The following LDB3 variants were observed in gnomAD, a reference collection of about 807,000 sequenced individuals.
LDB3 encodes the protein LIM domain binding 3, also known as LIM domain-binding protein 3.
A neutral mutation model predicts 69.0 loss-of-function variants in LDB3; 49 were observed. The observed-to-expected ratio is 0.71, with a 90% CI of 0.56 to 0.90. The LOEUF is 0.90. Ranked by LOEUF, LDB3 falls within the 40% of genes least tolerant of loss-of-function variation. LDB3 has a pLI of 0.00. For synonymous variants in LDB3, 387 were observed against 396.2 expected (o/e 0.98, Z 0.28); for missense variants, 928 against 974.1 (o/e 0.95, Z 0.63).
At chr10:86,678,389 G>GA (rs1406836874) in intron 2 of LDB3, among the ~76,000 whole-genome samples, 7 of 149,450 alleles carry the variant, frequency 4.7e-5, no homozygotes, top group Admixed American at 1.3e-4. Context: ...ACCCAGGCTG[G>GA]AGTGCAGTGG....
Position 86,717,990 on chromosome 10 carries a change from G to T in LDB3, c.1703G>T (p.Arg568Leu). The T allele has an allele frequency of 6.2e-7, 1 of 1,614,110 alleles. No individual in the cohort carries two copies. The highest frequency in any genetic ancestry group is 8.5e-7 in the Non-Finnish European group (1 of 1,179,988). The change falls in exon 11 of 14, where the codon CGT becomes CTT. Residue 568 changes from arginine to leucine, a missense_variant. Coordinates refer to ENST00000361373, the MANE Select transcript of LDB3 (RefSeq NM_007078.3). ...IRGPFLVAMG[R>L]SWHPEEFTCA... ...GGCCCATTTCTGGTAGCCATGGGCC[G>T]TTCTTGGCACCCTGAAGAGTTCACC...
Position 86,732,939 on chromosome 10 carries a change from C to G in LDB3, c.2147C>G (p.Pro716Arg). 6.2e-7 allele frequency: 1 copy of G among 1,613,936 alleles called. No individual in the cohort carries two copies. Among genetic ancestry groups the G allele is most frequent in the Non-Finnish European group, 8.5e-7 (1 of 1,179,938 alleles). ...CCGTTCTACTCCAAGAAGGACAGACCCCTGTGCAAGAAGCACGCACACACC... is the reference window on the plus strand; with the variant it reads ...CCGTTCTACTCCAAGAAGGACAGACGCCTGTGCAAGAAGCACGCACACACC... ...GQPFYSKKDR[P>R]LCKKHAHTIN... Residue 716 changes from proline (P) to arginine (R), a missense_variant, in exon 14 of 14, where the codon CCC (proline) becomes CGC (arginine). Pro to Arg is a moderately radical substitution (Grantham distance 103, BLOSUM62 -2). Transcript: ENST00000361373.
chr10:86,713,192 T>A (rs1174202102), intron 9 of LDB3, among the ~76,000 whole-genome samples: 2 of 152,184 alleles, frequency 1.3e-5, no homozygotes, highest in African/African-American at 2.4e-5. Flanking sequence ...TTTCAGCTGC[T>A]CATCGGCCAC....
chr10:86,713,537 G>A (rs967946361), intron 9 of LDB3, among the ~76,000 whole-genome samples: 3 of 152,126 alleles, frequency 2.0e-5, no homozygotes, highest in Admixed American at 6.5e-5. Context: ...GAGCCACCGC[G>A]CCCAGCCAAT....
intron 5 of LDB3, among the ~76,000 whole-genome samples, chr10:86,682,969 G>A (rs1306885822): frequency 3.3e-5 from 5 of 149,878 alleles, no homozygotes; most frequent in African/African-American, 1.3e-4. Context: ...AGAATCCTCA[G>A]TGAAGCTGAT....
chr10:86,667,194 T>C (rs985328909), upstream of LDB3, among the ~76,000 whole-genome samples: 41 of 152,124 alleles, frequency 2.7e-4, no homozygotes, highest in African/African-American at 9.7e-4. Context: ...CCCCGTAATA[T>C]GGGTGATCCT....
At chr10:86,697,304 C>A (rs2132434279) in intron 7 of LDB3, among the ~76,000 whole-genome samples, 1 of 144,324 alleles carries the variant, frequency 6.9e-6, no homozygotes, top group African/African-American at 2.6e-5. Context: ...TTACTGCAAC[C>A]TCCACCACCC....
chr10:86,717,880 G>T, intron 10 of LDB3, 84 bp from the exon 11 acceptor site: 1 of 1,289,090 alleles, frequency 7.8e-7, no homozygotes, highest in Non-Finnish European at 1.1e-6. Flanking sequence ...TTGGGTAAAA[G>T]TATAAACAGT....
intron 12 of LDB3, 120 bp downstream of exon 12, chr10:86,718,967 G>A: frequency 7.7e-7 from 1 of 1,304,076 alleles, no homozygotes; most frequent in South Asian, 1.4e-5. Flanking sequence ...TTTATTTCTG[G>A]AAGAAACCTT....
chr10:86,668,400 A>ACGG, upstream of LDB3: 3 of 499,582 alleles, frequency 6.0e-6, no homozygotes, highest in Non-Finnish European at 1.1e-5. Flanking sequence ...CGTGTGAGTC[A>ACGG]TGGTGGACCG....
intron 12 of LDB3, 114 bp from the exon 13 acceptor site, chr10:86,726,023 A>C (rs1564662632): frequency 4.2e-6 from 3 of 722,296 alleles, no homozygotes; most frequent in Admixed American, 2.0e-5. Context: ...GAGATGACAA[A>C]CAACCAATTA....
At chr10:86,709,076 G>A (rs1351323389) in intron 8 of LDB3, among the ~76,000 whole-genome samples, 1 of 152,156 alleles carries the variant, frequency 6.6e-6, no homozygotes, top group African/African-American at 2.4e-5. Flanking sequence ...TGTTCTGCAA[G>A]GTGTTCATTA....
At chr10:86,703,651 T>C (rs1846341348) in intron 7 of LDB3, among the ~76,000 whole-genome samples, 1 of 152,256 alleles carries the variant, frequency 6.6e-6, no homozygotes, top group Non-Finnish European at 1.5e-5. Context: ...TCATGCCCTT[T>C]TTACCATACA....
At chr10:86,711,467 AC>A (rs1846662089) in intron 9 of LDB3, among the ~76,000 whole-genome samples, 1 of 150,704 alleles carries the variant, frequency 6.6e-6, no homozygotes, top group Non-Finnish European at 1.5e-5. Context: ...GCCTGCCTCC[AC>A]CTCCCTCTCC....
chr10:86,690,379 C>T (rs1448929223), intron 5 of LDB3, among the ~76,000 whole-genome samples: 2 of 152,222 alleles, frequency 1.3e-5, no homozygotes, highest in Non-Finnish European at 2.9e-5. Flanking sequence ...AGATCCCACC[C>T]TCTCCTTTGC....
chr10:86,681,928 T>A, intron 5 of LDB3, 125 bp downstream of exon 5: 1 of 1,030,156 alleles, frequency 9.7e-7, no homozygotes, highest in African/African-American at 1.6e-5. Context: ...CCCGAGCCCA[T>A]GAGGTCAGCA....
At chr10:86,688,824 G>C (rs892827357) in intron 5 of LDB3, among the ~76,000 whole-genome samples, 13 of 152,274 alleles carry the variant, frequency 8.5e-5, no homozygotes, top group Admixed American at 2.6e-4. Context: ...TTTTCTGCAC[G>C]TTGGGAAGAC....
At chr10:86,689,326 A>T (rs1845651589) in intron 5 of LDB3, among the ~76,000 whole-genome samples, 1 of 151,902 alleles carries the variant, frequency 6.6e-6, no homozygotes. Context: ...TGGTTGTGGG[A>T]TGGTGTGTGT....
intron 4 of LDB3, 108 bp from the exon 5 acceptor site, chr10:86,681,328 C>T (rs961924892): frequency 1.1e-5 from 17 of 1,524,748 alleles, no homozygotes; most frequent in African/African-American, 5.5e-5. Context: ...CTTCAGGCTG[C>T]GGGGCTCGCG....
Sources: gnomAD v4.1 joint callset for allele counts (sites outside exome capture counted in the v4.1 genomes callset) on GRCh38, gnomAD v4.1.1 for gene constraint, MANE v1.5 for transcripts, NCBI Gene and HGNC (gene_info 2026-07-23, HGNC 2026-07-21) for gene names.